The following NIBAN1 variants were observed in gnomAD, a reference collection of about 807,000 sequenced individuals.
NIBAN1 encodes protein Niban 1.
Under a neutral mutation model 75.1 loss-of-function variants are expected in NIBAN1, and 81 were observed. The observed-to-expected ratio is 1.08, with a 90% CI of 0.90 to 1.30. The LOEUF (loss-of-function observed/expected upper bound fraction) is 1.30. Among genes scored for constraint, NIBAN1 ranks in the 50% most tolerant of loss-of-function variants. NIBAN1 has a pLI of 0.00. For synonymous variants in NIBAN1, 436 were observed against 424.8 expected, an observed-to-expected ratio of 1.03 and a Z score of -0.32; for missense variants, 1,133 against 1,128.1, an observed-to-expected ratio of 1.00 and a Z score of -0.06.
intron 1 of NIBAN1, among the ~76,000 whole-genome samples, chr1:184,945,831 C>T (rs1322476336): frequency 2.0e-5 from 3 of 152,254 alleles, no homozygotes; most frequent in Non-Finnish European, 2.9e-5. Flanking sequence ...GAAACAGCAT[C>T]ATGACTCTGT....
chr1:184,910,197 T>C (rs1032396488), intron 1 of NIBAN1, among the ~76,000 whole-genome samples: 2 of 152,132 alleles, frequency 1.3e-5, no homozygotes, highest in African/African-American at 2.4e-5. Context: ...AGATTAAGTA[T>C]GAAGTAGAAC....
chr1:184,875,133 C>A (rs962686176), intron 5 of NIBAN1, among the ~76,000 whole-genome samples: 9 of 152,196 alleles, frequency 5.9e-5, no homozygotes, highest in Admixed American at 5.9e-4. Context: ...CCTGCATATC[C>A]AAACTTGTGA....
chr1:184,932,550 C>T (rs990125052), intron 1 of NIBAN1, among the ~76,000 whole-genome samples: 2 of 152,182 alleles, frequency 1.3e-5, no homozygotes, highest in Non-Finnish European at 2.9e-5. Flanking sequence ...ACAGATGAAG[C>T]TTCGCTTGCT....
At chr1:184,816,788 A>G (rs1253303762) in intron 9 of NIBAN1, among the ~76,000 whole-genome samples, 3 of 151,658 alleles carry the variant, frequency 2.0e-5, no homozygotes, top group African/African-American at 7.3e-5. Context: ...TACATTTACA[A>G]TAGTGCTAGT....
chr1:184,967,098 G>A (rs1438212214), intron 1 of NIBAN1, among the ~76,000 whole-genome samples: 2 of 152,096 alleles, frequency 1.3e-5, no homozygotes, highest in African/African-American at 4.8e-5. Flanking sequence ...TTTTCGCATT[G>A]GCAGCAACTT....
chr1:184,875,827 T>A (rs1453351256), intron 5 of NIBAN1, among the ~76,000 whole-genome samples: 3 of 152,052 alleles, frequency 2.0e-5, no homozygotes, highest in Non-Finnish European at 4.4e-5. Flanking sequence ...GAAATTAACA[T>A]AATAGAAAAC....
intron 8 of NIBAN1, among the ~76,000 whole-genome samples, chr1:184,819,568 C>A (rs1486090635): frequency 6.6e-6 from 1 of 152,168 alleles, no homozygotes; most frequent in Non-Finnish European, 1.5e-5. Context: ...ACATGGAAAC[C>A]TGCATTGTTT....
intron 1 of NIBAN1, among the ~76,000 whole-genome samples, chr1:184,923,043 T>G (rs1657600856): frequency 6.6e-6 from 1 of 152,240 alleles, no homozygotes; most frequent in African/African-American, 2.4e-5. Context: ...TTGTTTCATT[T>G]GCTGTGCAGA....
intron 5 of NIBAN1, among the ~76,000 whole-genome samples, chr1:184,883,381 T>C (rs566994645): frequency 6.6e-6 from 1 of 152,334 alleles, no homozygotes; most frequent in African/African-American, 2.4e-5. Flanking sequence ...ACAGGAACTC[T>C]GTATGCTTCA....
chr1:184,883,403 C>T (rs975335883), intron 5 of NIBAN1, among the ~76,000 whole-genome samples: 1 of 152,212 alleles, frequency 6.6e-6, no homozygotes, highest in South Asian at 2.1e-4. Context: ...TACTCTCTTC[C>T]TAACACCTAC....
At chr1:184,871,218 G>A (rs1656097787) in intron 5 of NIBAN1, among the ~76,000 whole-genome samples, 2 of 151,808 alleles carry the variant, frequency 1.3e-5, no homozygotes, top group African/African-American at 4.8e-5. Flanking sequence ...ATGGTGGTGT[G>A]TGCCTGTAAT....
At chr1:184,820,529 C>A (rs1220418333) in intron 8 of NIBAN1, among the ~76,000 whole-genome samples, 1 of 152,244 alleles carries the variant, frequency 6.6e-6, no homozygotes, top group Non-Finnish European at 1.5e-5. Context: ...ACACAGCTTC[C>A]TGAGCTGGGG....
At position 184,827,953 on chromosome 1, in the gene NIBAN1, G is replaced by GTTTTTTTTTTTTTTTTTTTTTTTT. The variant is rs1174066517; in HGVS notation, c.717+3893_717+3894insAAAAAAAAAAAAAAAAAAAAAAAA. ...AAGGCCTAAAAATGCGGGTAGTTTT[G>GTTTTTTTTTTTTTTTTTTTTTTTT]TTTTTTGTTTTTTTTTTTTTTTTCC... On this transcript the variant is annotated intron_variant, in intron 6 of 13. Coordinates refer to ENST00000367511, the MANE Select transcript of NIBAN1 (RefSeq NM_052966.4). Among the ~76,000 whole-genome samples, 2 of 100,280 alleles carry GTTTTTTTTTTTTTTTTTTTTTTTT rather than the reference G, an allele frequency of 2.0e-5. 1 individual carries two copies. Among genetic ancestry groups the GTTTTTTTTTTTTTTTTTTTTTTTT allele is most frequent in the Non-Finnish European group, 4.5e-5 (2 of 44,284 alleles). The allele number at this position is 100,280 out of a possible 152,430, so 65.8% of individuals were successfully genotyped here. A position where few individuals can be genotyped will look rare whatever the true frequency, so the allele number is the denominator to read the frequency against.
At chr1:184,863,636 A>T (rs1655874849) in intron 5 of NIBAN1, among the ~76,000 whole-genome samples, 1 of 152,170 alleles carries the variant, frequency 6.6e-6, no homozygotes, top group Non-Finnish European at 1.5e-5. Context: ...GTGACAAAAG[A>T]TATTTGAAGA....
At chr1:184,818,291 T>G (rs1654594028) in intron 9 of NIBAN1, among the ~76,000 whole-genome samples, 1 of 152,168 alleles carries the variant, frequency 6.6e-6, no homozygotes, top group Admixed American at 6.5e-5. Flanking sequence ...GAGTTTGGAA[T>G]GGGGGTAGCC....
chr1:184,926,419 G>A lies in NIBAN1; in HGVS notation c.56-27110C>T, dbSNP rs143991775. ...AGCCCAGCTAATTTTTGTGTGTTTCGTAGAGACGGGGCTTCACCATGTTGG... is the reference window on the plus strand; with the variant it reads ...AGCCCAGCTAATTTTTGTGTGTTTCATAGAGACGGGGCTTCACCATGTTGG... On this transcript the variant is annotated intron_variant, in intron 1 of 13. Transcript: ENST00000367511. Among the ~76,000 whole-genome samples the A allele has an allele frequency of 1.1e-3, 173 of 152,196 alleles. 1 individual carries two copies. Among genetic ancestry groups the A allele is most frequent in the African/African-American group, 3.6e-3 (150 of 41,538 alleles).
In NIBAN1 at chr1:184,818,815, G is replaced by A; in HGVS notation, c.996C>T (p.Ala332=). ...YLIGKIKAMV[A]QPAEKSCLES... is the part of the protein sequence containing the mutation. ...CCAAGCAGCTTTTCTCCGCCGGCTG[G>A]GCCACCATCGCTGAGGTAGGAAATA... The change falls in exon 9 of 14, where the codon GCC becomes GCT. Residue 332 remains alanine, a synonymous_variant. Transcript: ENST00000367511. 1 of 1,590,516 alleles carries A rather than the reference G, an allele frequency of 6.3e-7. No homozygotes were observed. The highest frequency in any genetic ancestry group is 8.6e-7 in the Non-Finnish European group (1 of 1,164,288).
At chr1:184,826,965 A>T (rs115678630) in intron 6 of NIBAN1, among the ~76,000 whole-genome samples, 3,410 of 152,086 alleles carry the variant, frequency 0.022, 117 homozygotes, top group African/African-American at 0.077. Flanking sequence ...GAGATAATTG[A>T]ATCCTAGGGG....
chr1:184,969,696 T>C (rs1028313420), intron 1 of NIBAN1, among the ~76,000 whole-genome samples: 19 of 151,490 alleles, frequency 1.3e-4, no homozygotes, highest in East Asian at 3.9e-4. Context: ...TTCTTTCTTT[T>C]TTTTTTTTTT....
Sources: gnomAD v4.1 joint callset for allele counts (sites outside exome capture counted in the v4.1 genomes callset) on GRCh38, gnomAD v4.1.1 for gene constraint, MANE v1.5 for transcripts, NCBI Gene and HGNC (gene_info 2026-07-23, HGNC 2026-07-21) for gene names.